The following CAMSAP1 variants were observed in gnomAD, a reference collection of about 807,000 sequenced individuals.
CAMSAP1 encodes the protein calmodulin regulated spectrin associated protein 1.
A neutral mutation model predicts 143.5 loss-of-function variants in CAMSAP1; 58 were observed. The observed-to-expected ratio is 0.40, with a 90% CI of 0.33 to 0.50. The LOEUF (loss-of-function observed/expected upper bound fraction) is 0.50. Ranked by LOEUF, CAMSAP1 falls within the 20% of genes least tolerant of loss-of-function variation. The pLI, the probability that CAMSAP1 is intolerant of heterozygous loss-of-function variation, is 0.45. For missense variants in CAMSAP1, 1,969 were observed against 2,115.7 expected (o/e 0.93, Z 1.36); for synonymous variants, 945 against 859.3 (o/e 1.10, Z -1.74).
intron 16 of CAMSAP1, among the ~76,000 whole-genome samples, chr9:135,813,318 C>T (rs1358333569): frequency 6.6e-6 from 1 of 152,202 alleles, no homozygotes; most frequent in Non-Finnish European, 1.5e-5. Flanking sequence ...GTCAATGCCA[C>T]TCTTCTATTT....
rs1334262948 is a variant in CAMSAP1 at position 135,811,636 on chromosome 9, G to C, written c.4507-25C>G. ...CCTGTGCAGAGAGAGAAAAGGGGAA[G>C]AGACAAACACTTCAGGGCCACTCCA... On this transcript the variant is annotated intron_variant, in intron 16 of 16. Coordinates refer to ENST00000389532, the MANE Select transcript of CAMSAP1 (RefSeq NM_015447.4). This position sits in a 1 kb window ranked among gnomAD's most constrained non-coding sequence, Gnocchi z 4.9. The C allele has an allele frequency of 1.9e-6, 3 of 1,560,056 alleles. No homozygotes were observed. Among genetic ancestry groups the C allele is most frequent in the Non-Finnish European group, 2.6e-6 (3 of 1,150,942 alleles).
intron 1 of CAMSAP1, among the ~76,000 whole-genome samples, chr9:135,898,315 G>A (rs1333737124): frequency 6.6e-6 from 1 of 152,122 alleles, no homozygotes; most frequent in African/African-American, 2.4e-5. Context: ...AAGGATCTCT[G>A]TATAGTATTT....
chr9:135,900,051 G>T (rs1231489889), intron 1 of CAMSAP1, among the ~76,000 whole-genome samples: 3 of 152,062 alleles, frequency 2.0e-5, no homozygotes, highest in African/African-American at 7.2e-5. Flanking sequence ...TTTGAGACAG[G>T]ATCTTGCTCT....
rs59978082 is a variant in CAMSAP1, at chr9:135,892,848, C to CAAAAAAAAAAAAA, written c.161-9783_161-9771dup. 3.5e-3 allele frequency among the ~76,000 whole-genome samples: 146 copies of CAAAAAAAAAAAAA among 41,988 alleles called. 3 individuals are homozygous for CAAAAAAAAAAAAA. Among genetic ancestry groups the CAAAAAAAAAAAAA allele is most frequent in the Non-Finnish European group, 3.9e-3 (92 of 23,560 alleles). The allele number at this position is 41,988 out of a possible 152,430, so 27.5% of individuals were successfully genotyped here. A position where few individuals can be genotyped will look rare whatever the true frequency, so the allele number is the denominator to read the frequency against. On this transcript the variant is annotated intron_variant, in intron 1 of 16. Coordinates refer to ENST00000389532, the MANE Select transcript of CAMSAP1 (RefSeq NM_015447.4). ...CCTGGGCAACAGAGCAAGACTGTCT[C>CAAAAAAAAAAAAA]AAAAAAAAAAAAAAAAAAAGAACTA...
intron 1 of CAMSAP1, among the ~76,000 whole-genome samples, chr9:135,903,141 C>T (rs542443196): frequency 6.6e-6 from 1 of 152,288 alleles, no homozygotes; most frequent in East Asian, 1.9e-4. Flanking sequence ...GAGATCAACG[C>T]CAGGACTGCA....
chr9:135,880,074 T>C (rs1837889936), intron 3 of CAMSAP1, among the ~76,000 whole-genome samples: 1 of 152,186 alleles, frequency 6.6e-6, no homozygotes, highest in Non-Finnish European at 1.5e-5. Flanking sequence ...TGTTCATCCA[T>C]AGTTTCTACA....
At chr9:135,855,493 C>T (rs906350208) in intron 5 of CAMSAP1, among the ~76,000 whole-genome samples, 7 of 152,176 alleles carry the variant, frequency 4.6e-5, no homozygotes, top group Non-Finnish European at 1.0e-4. Context: ...AATCCCAGCA[C>T]TTTCAGAGGC....
At chr9:135,816,068 G>T in intron 14 of CAMSAP1, 63 bp from the exon 15 acceptor site, 1 of 1,495,836 alleles carries the variant, frequency 6.7e-7, no homozygotes, top group Non-Finnish European at 9.2e-7. Flanking sequence ...ACCACTGCTG[G>T]CAAGGGGCTG....
chr9:135,862,369 TTC>T (rs1837228450), intron 5 of CAMSAP1, 96 bp downstream of exon 5: 3 of 1,333,504 alleles, frequency 2.2e-6, no homozygotes, highest in African/African-American at 1.5e-5. Flanking sequence ...TCCATTTTCT[TTC>T]TCTTTTTTTT....
chr9:135,831,049 G>A (rs1835843151), intron 7 of CAMSAP1, among the ~76,000 whole-genome samples: 1 of 152,170 alleles, frequency 6.6e-6, no homozygotes, highest in East Asian at 1.9e-4. Flanking sequence ...GCGGGCGCCT[G>A]TAATCCCAGC....
At chr9:135,877,155 C>T (rs953417750) in intron 3 of CAMSAP1, among the ~76,000 whole-genome samples, 1 of 152,086 alleles carries the variant, frequency 6.6e-6, no homozygotes, top group Non-Finnish European at 1.5e-5. Flanking sequence ...GGAACTCTAC[C>T]AAGCACCGAC....
At chr9:135,903,200 A>C (rs999885788) in intron 1 of CAMSAP1, among the ~76,000 whole-genome samples, 2 of 152,200 alleles carry the variant, frequency 1.3e-5, no homozygotes, top group Non-Finnish European at 2.9e-5. Context: ...AACTTCAGCC[A>C]CCGCCTCAAC....
chr9:135,817,991 G>A lies in CAMSAP1; in HGVS notation c.4257C>T (p.Gly1419=), dbSNP rs780576924. 1.9e-6 allele frequency: 3 copies of A among 1,613,896 alleles called. No homozygotes were observed. Among genetic ancestry groups the A allele is most frequent in the Non-Finnish European group, 2.5e-6 (3 of 1,179,874 alleles). Residue 1419 remains glycine (G), a synonymous_variant, in exon 14 of 17, where the codon GGC becomes GGT. Coordinates refer to ENST00000389532, the MANE Select transcript of CAMSAP1 (RefSeq NM_015447.4). ...AGGCCCCTTACCGCTGAGAGGGTGT[G>A]CCCCCGGAATGAACGCTCTCGGGTT... ...TTEPESVHSG[G]TPSQRVESME... is the part of the protein sequence containing the mutation.
chr9:135,864,021 G>C (rs543933737), intron 4 of CAMSAP1, among the ~76,000 whole-genome samples: 1 of 152,290 alleles, frequency 6.6e-6, no homozygotes, highest in South Asian at 2.1e-4. Context: ...GAACCTCTAG[G>C]CTGTACAGTG....
Position 135,882,840 on chromosome 9 carries a change from G to T in CAMSAP1, c.399C>A (p.Asp133Glu), listed in dbSNP as rs780761238. ...CCATTTTTATGGGTGCGCGACTGAG[G>T]TCGGACTCTGTCACGGGGGTGTCAT... ...ESDDTPVTES[D>E]LSRAPIKMSA... Residue 133 changes from aspartate (D) to glutamate (E), a missense_variant, in exon 2 of 17, where the codon GAC (aspartate) becomes GAA (glutamate). Asp to Glu is a conservative substitution (Grantham distance 45, BLOSUM62 2). Transcript: ENST00000389532. The surrounding 1 kb of genome is among the most constrained non-coding windows in gnomAD (Gnocchi z 4.9). The T allele has an allele frequency of 2.6e-6, 4 of 1,551,238 alleles. No homozygotes were observed. The South Asian group carries it at 4.8e-5, about 18-fold the overall frequency.
At chr9:135,838,946 A>T (rs1474257471) in intron 7 of CAMSAP1, among the ~76,000 whole-genome samples, 2 of 151,006 alleles carry the variant, frequency 1.3e-5, no homozygotes, top group African/African-American at 2.4e-5. Flanking sequence ...GAGACATATC[A>T]CCACACACTT....
chr9:135,827,170 T>C (rs1403463453), intron 8 of CAMSAP1, among the ~76,000 whole-genome samples: 1 of 152,184 alleles, frequency 6.6e-6, no homozygotes, highest in East Asian at 1.9e-4. Context: ...AAAACACCTG[T>C]TCCATAAACA....
At position 135,837,975 on chromosome 9, in the gene CAMSAP1, ACAT is replaced by A. The variant is rs562260282; in HGVS notation, c.1046-10394_1046-10392del. Among the ~76,000 whole-genome samples, 78 of 148,476 alleles carry A rather than the reference ACAT, an allele frequency of 5.3e-4. 1 individual carries two copies. Among genetic ancestry groups the A allele is most frequent in the Admixed American group, 3.4e-3 (50 of 14,912 alleles). On this transcript the variant is annotated intron_variant, in intron 7 of 16. Transcript: ENST00000389532. ...CGCTTTCTACCCCTTCTACAGACAC[ACAT>A]CATCACACGCTTTCTACCCCTTCTA...
chr9:135,898,378 C>T (rs1838519499), intron 1 of CAMSAP1, among the ~76,000 whole-genome samples: 1 of 152,136 alleles, frequency 6.6e-6, no homozygotes, highest in East Asian at 1.9e-4. Context: ...GGCGTGGTGG[C>T]TCCCGCCTGT....
Sources: allele counts gnomAD v4.1 joint callset (sites outside exome capture counted in the v4.1 genomes callset), GRCh38; gene constraint gnomAD v4.1.1; non-coding constraint Gnocchi (gnomAD v3.1); transcripts MANE v1.5; gene names NCBI Gene and HGNC (gene_info 2026-07-23, HGNC 2026-07-21).